Variants in NAV2 observed in about 807,000 individuals in gnomAD.
NAV2 encodes the protein neuron navigator 2.
Under a neutral mutation model 223.2 loss-of-function variants are expected in NAV2, and 54 were observed. The ratio of observed to expected loss-of-function variants is 0.24; its 90% CI spans 0.19 to 0.30. NAV2 has a LOEUF of 0.30. Ranked by LOEUF, NAV2 falls within the 10% of genes least tolerant of loss-of-function variation. The probability of loss-of-function intolerance (pLI) is 1.00; values close to 1 mark genes in which losing one functional copy is unlikely to be tolerated. For missense variants in NAV2, 2,806 were observed against 3,147.5 expected, an observed-to-expected ratio of 0.89 and a Z score of 2.60; for synonymous variants, 1,279 against 1,239.3, an observed-to-expected ratio of 1.03 and a Z score of -0.67.
At chr11:19,351,092 G>A (rs1048822305) in intron 1 of NAV2, 26 of 1,437,158 alleles carry the variant, frequency 1.8e-5, no homozygotes, top group South Asian at 9.8e-5. Flanking sequence ...GATTCAGAGA[G>A]CATAGGTGGT....
chr11:19,409,380 C>T (rs1850043045), intron 1 of NAV2, among the ~76,000 whole-genome samples: 1 of 152,120 alleles, frequency 6.6e-6, no homozygotes, highest in South Asian at 2.1e-4. Context: ...TCTTTTTGAA[C>T]CTTCTCATCA....
At chr11:19,686,711 C>T (rs1052805842) in intron 1 of NAV2, among the ~76,000 whole-genome samples, 4 of 152,230 alleles carry the variant, frequency 2.6e-5, no homozygotes, top group African/African-American at 9.6e-5. Context: ...CTCCACAGTC[C>T]TAGACTCGAG....
At chr11:19,516,542 C>A (rs2043454645) in intron 1 of NAV2, among the ~76,000 whole-genome samples, 12 of 152,332 alleles carry the variant, frequency 7.9e-5, no homozygotes, top group Admixed American at 7.8e-4. Flanking sequence ...TTGTTACAAG[C>A]AAAATGAGCC....
chr11:19,941,606 T>C (rs981734397), intron 8 of NAV2, among the ~76,000 whole-genome samples: 1 of 151,972 alleles, frequency 6.6e-6, no homozygotes, highest in Non-Finnish European at 1.5e-5. Context: ...TCCTATGGTG[T>C]GTGGTCATGT....
intron 1 of NAV2, among the ~76,000 whole-genome samples, chr11:19,480,853 C>T (rs1050694015): frequency 7.9e-5 from 12 of 152,192 alleles, no homozygotes; most frequent in African/African-American, 7.2e-5. Flanking sequence ...TGCTGCTGAG[C>T]GCTTTGTCTG....
In NAV2 at chr11:19,676,723, C is replaced by T. The variant is rs556983275; in HGVS notation, c.76-155761C>T. On this transcript the variant is annotated intron_variant, in intron 1 of 37. Transcript: ENST00000360655. ...TGTCATTGCTGTTGGCACTTTGGCT[C>T]TCAGAGAACCAGGCTGTCCCAGGCC... Among the ~76,000 whole-genome samples the T allele has an allele frequency of 1.2e-4, 19 of 152,310 alleles. 1 individual carries two copies. The South Asian group carries it at 3.7e-3, about 30-fold the overall frequency.
At position 20,055,894 on chromosome 11, in the gene NAV2, T is replaced by C; in HGVS notation, c.4768T>C (p.Ser1590Pro). The change falls in exon 19 of 38, where the codon TCC (serine) becomes CCC (proline). Residue 1590 changes from serine (S) to proline (P), a missense_variant. By Grantham distance (74) the Ser-to-Pro change is moderately conservative (BLOSUM62 -1). Around this residue, in one of 4 missense-constraint regions of NAV2, gnomAD observed 742 missense variants for 777.9 expected, o/e 0.95. Coordinates refer to ENST00000349880, the MANE Select transcript of NAV2 (RefSeq NM_145117.5). ...TDSRFRNSSMSLDEKSRTMSR... is the reference protein window; with the variant it reads ...TDSRFRNSSMPLDEKSRTMSR... Reference sequence around the variant, plus strand: ...CAGCCGCTTCCGGAATAGCTCCATGTCCCTGGATGAGAAGAGCAGAACCAT... The same window carrying C: ...CAGCCGCTTCCGGAATAGCTCCATGCCCCTGGATGAGAAGAGCAGAACCAT... 1.9e-6 allele frequency: 3 copies of C among 1,614,164 alleles called. No individual in the cohort carries two copies. Among genetic ancestry groups the C allele is most frequent in the Non-Finnish European group, 2.5e-6 (3 of 1,180,014 alleles).
intron 1 of NAV2, among the ~76,000 whole-genome samples, chr11:19,731,722 C>T (rs1253991378): frequency 6.6e-6 from 1 of 152,210 alleles, no homozygotes; most frequent in African/African-American, 2.4e-5. Flanking sequence ...GATCATTTAA[C>T]CTCTTGAGCC....
chr11:19,584,293 C>A (rs190792906), intron 1 of NAV2, among the ~76,000 whole-genome samples: 121 of 152,104 alleles, frequency 8.0e-4, no homozygotes, highest in African/African-American at 2.7e-3. Context: ...GTCTTGCTAG[C>A]GGTCTATCGA....
intron 1 of NAV2, among the ~76,000 whole-genome samples, chr11:19,383,837 A>C (rs536418420): frequency 1.3e-5 from 2 of 152,248 alleles, no homozygotes; most frequent in African/African-American, 4.8e-5. Flanking sequence ...AATATGCGTC[A>C]AAACCTAAAT....
At chr11:19,697,454 G>C (rs1262761733) in intron 1 of NAV2, among the ~76,000 whole-genome samples, 1 of 151,470 alleles carries the variant, frequency 6.6e-6, no homozygotes, top group Non-Finnish European at 1.5e-5. Context: ...AAAAAAAAAG[G>C]AACTGTCCTG....
At chr11:20,088,237 G>T (rs1219802086) in intron 26 of NAV2, among the ~76,000 whole-genome samples, 1 of 152,170 alleles carries the variant, frequency 6.6e-6, no homozygotes, top group South Asian at 2.1e-4. Flanking sequence ...TAGTGCAGTG[G>T]CGCGATCTTG....
Position 19,731,270 on chromosome 11 carries a change from G to T in NAV2, c.267+17308G>T, listed in dbSNP as rs79972877. Among the ~76,000 whole-genome samples, 156 of 152,314 alleles carry T rather than the reference G, an allele frequency of 1.0e-3. 3 individuals carry two copies. The East Asian group carries it at 0.03, about 29-fold the overall frequency. ...CTTAGTAGGTCTTACTCACAGGCAA[G>T]CATTGCCCCCAGTGTTACCCACACC... On this transcript the variant is annotated intron_variant, in intron 1 of 37. Coordinates refer to ENST00000349880, the MANE Select transcript of NAV2 (RefSeq NM_145117.5).
chr11:19,562,439 A>T (rs2045132888), intron 1 of NAV2, among the ~76,000 whole-genome samples: 1 of 152,176 alleles, frequency 6.6e-6, no homozygotes. Flanking sequence ...AGATACTTAC[A>T]ATAAACTCTC....
chr11:19,634,431 C>T (rs769712601), intron 1 of NAV2, among the ~76,000 whole-genome samples: 3 of 152,156 alleles, frequency 2.0e-5, no homozygotes, highest in Non-Finnish European at 4.4e-5. Context: ...GTACAACAAA[C>T]CCCCATGACA....
chr11:19,739,766 A>G (rs1336832162), intron 1 of NAV2, among the ~76,000 whole-genome samples: 2 of 152,186 alleles, frequency 1.3e-5, no homozygotes. Context: ...GAAACAGAGG[A>G]GACTGGTAGT....
chr11:19,755,607 G>A (rs1008993657), intron 1 of NAV2, among the ~76,000 whole-genome samples: 9 of 152,212 alleles, frequency 5.9e-5, no homozygotes, highest in Admixed American at 2.6e-4. Context: ...TTCTAAGGTC[G>A]CTGGCAATTC....
rs1235230427 is a variant in NAV2, at chr11:19,777,408, T to TA, written c.268-55076_268-55075insA. On this transcript the variant is annotated intron_variant, in intron 1 of 37. Coordinates refer to ENST00000349880, the MANE Select transcript of NAV2 (RefSeq NM_145117.5). ...GGCGCGCGGGCAGGTGCTTCGGCTT[T>TA]TTTTTTTTTTCCCCTCCTCCTTTTT... 1.4e-5 allele frequency: 6 copies of TA among 424,194 alleles called. No individual in the cohort carries two copies. In the Admixed American group the frequency reaches 1.5e-4, roughly 11 times the overall value. The allele number at this position is 424,194 out of a possible 1,614,324, so 26.3% of individuals were successfully genotyped here.
At chr11:19,773,135 G>C (rs1422644938) in intron 1 of NAV2, among the ~76,000 whole-genome samples, 5 of 152,184 alleles carry the variant, frequency 3.3e-5, no homozygotes, top group Admixed American at 6.5e-5. Flanking sequence ...TGAGCAAGAT[G>C]GACAGTCCAA....
Sources: gnomAD v4.1 joint callset for allele counts (sites outside exome capture counted in the v4.1 genomes callset) on GRCh38, gnomAD v4.1.1 for gene constraint, gnomAD v4.1.1 regional missense constraint, MANE v1.5 for transcripts, NCBI Gene and HGNC (gene_info 2026-07-23, HGNC 2026-07-21) for gene names.